Variants in C9orf85 observed in about 807,000 individuals in gnomAD.
C9orf85 encodes the protein uncharacterized protein C9orf85.
C9orf85 carries 16 observed loss-of-function variants against 14.9 expected under a neutral mutation model. The ratio of observed to expected loss-of-function variants is 1.08; its 90% CI spans 0.73 to 1.63. C9orf85 has a LOEUF of 1.63. Ranked by LOEUF, C9orf85 falls within the 40% of genes most tolerant of loss-of-function variation. C9orf85 has a pLI of 0.00. For missense variants in C9orf85, 172 were observed against 186.1 expected (o/e 0.92, Z 0.44); for synonymous variants, 45 against 56.8 (o/e 0.79, Z 0.93).
chr9:71,957,038 A>G (rs1054057187), intron 2 of C9orf85, among the ~76,000 whole-genome samples: 2 of 151,544 alleles, frequency 1.3e-5, no homozygotes, highest in Non-Finnish European at 2.9e-5. Flanking sequence ...GCCAGGCTGA[A>G]CTCGAACTCC....
intron 2 of C9orf85, among the ~76,000 whole-genome samples, chr9:71,950,350 T>A (rs1822213236): frequency 7.4e-6 from 1 of 135,162 alleles, no homozygotes; most frequent in Non-Finnish European, 1.6e-5. Context: ...TGTATATGAA[T>A]TTTACTGGAT....
At chr9:71,961,708 GTC>G (rs1215727930) in intron 2 of C9orf85, among the ~76,000 whole-genome samples, 1 of 152,060 alleles carries the variant, frequency 6.6e-6, no homozygotes, top group Non-Finnish European at 1.5e-5. Flanking sequence ...CACAACCATG[GTC>G]TTACTGTCTT....
intron 1 of C9orf85, among the ~76,000 whole-genome samples, chr9:71,916,028 A>T (rs1451378151): frequency 2.0e-5 from 3 of 152,234 alleles, no homozygotes; most frequent in Non-Finnish European, 4.4e-5. Context: ...AGCAAAATAT[A>T]CAGTCACAGT....
intron 2 of C9orf85, among the ~76,000 whole-genome samples, chr9:71,963,333 C>T (rs575988990): frequency 6.6e-6 from 1 of 152,166 alleles, no homozygotes; most frequent in South Asian, 2.1e-4. Flanking sequence ...TCCAAGATGG[C>T]GGTGTGCTGC....
chr9:71,920,444 T>G (rs1156630468), intron 1 of C9orf85, among the ~76,000 whole-genome samples: 1 of 152,212 alleles, frequency 6.6e-6, no homozygotes, highest in Non-Finnish European at 1.5e-5. Context: ...AATTCATTAA[T>G]CTAAAAGAAA....
At chr9:71,957,781 A>G (rs914454947) in intron 2 of C9orf85, among the ~76,000 whole-genome samples, 7 of 151,730 alleles carry the variant, frequency 4.6e-5, no homozygotes, top group Non-Finnish European at 7.4e-5. Flanking sequence ...AGCTGAGAAA[A>G]CCCCTGCAGT....
intron 1 of C9orf85, among the ~76,000 whole-genome samples, chr9:71,912,777 G>A (rs553181548): frequency 6.6e-6 from 1 of 152,224 alleles, no homozygotes; most frequent in South Asian, 2.1e-4. Context: ...CCAGCTACTC[G>A]GGAGGCTGAG....
downstream of C9orf85, among the ~76,000 whole-genome samples, chr9:71,974,957 A>C: frequency 1.3e-5 from 2 of 152,220 alleles, 1 homozygote; most frequent in Non-Finnish European, 2.9e-5. Flanking sequence ...TTAGGGAATA[A>C]TTTAAGTGGA....
chr9:71,947,237 C>T (rs901822464), intron 2 of C9orf85, 125 bp downstream of exon 2: 1 of 633,750 alleles, frequency 1.6e-6, no homozygotes, highest in Non-Finnish European at 2.6e-6. Context: ...ATTCCATTCT[C>T]CCCTGTAGAA....
At chr9:71,941,273 C>A (rs1821921713) in intron 1 of C9orf85, among the ~76,000 whole-genome samples, 1 of 152,120 alleles carries the variant, frequency 6.6e-6, no homozygotes. Context: ...TACTGTGGTA[C>A]AGTACATTAA....
At chr9:71,931,796 T>C (rs1222040015) in intron 1 of C9orf85, among the ~76,000 whole-genome samples, 1 of 152,212 alleles carries the variant, frequency 6.6e-6, no homozygotes, top group East Asian at 1.9e-4. Context: ...CACTAACCAG[T>C]GTTGTTTAAA....
At chr9:71,912,194 A>AC in intron 1 of C9orf85, among the ~76,000 whole-genome samples, 1 of 152,272 alleles carries the variant, frequency 6.6e-6, no homozygotes, top group South Asian at 2.1e-4. Context: ...CAAATTTTAC[A>AC]CCAAGTTTAT....
chr9:71,955,803 C>G (rs1243156236), intron 2 of C9orf85, among the ~76,000 whole-genome samples: 2 of 152,184 alleles, frequency 1.3e-5, no homozygotes, highest in African/African-American at 4.8e-5. Context: ...ATACCACTCA[C>G]TAGGAGGTAC....
At chr9:71,975,328 C>G (rs1227736024), downstream of C9orf85, among the ~76,000 whole-genome samples, 5 of 151,632 alleles carry the variant, frequency 3.3e-5, no homozygotes, top group African/African-American at 1.2e-4. Flanking sequence ...GCAATCCCAG[C>G]TACTCCGGAG....
chr9:71,913,115 T>C (rs1412567497), intron 1 of C9orf85, among the ~76,000 whole-genome samples: 4 of 152,158 alleles, frequency 2.6e-5, no homozygotes, highest in African/African-American at 4.8e-5. Flanking sequence ...AATGCAAATT[T>C]GTCAGGATTG....
At chr9:71,985,234 A>G (rs1430079932), downstream of C9orf85, 1 of 152,268 alleles carries the variant, frequency 6.6e-6, no homozygotes, top group East Asian at 1.9e-4. Context: ...AACATTCAGC[A>G]GTATCCAAGC....
intron 1 of C9orf85, among the ~76,000 whole-genome samples, chr9:71,933,061 T>G (rs1828107306): frequency 6.6e-6 from 1 of 152,128 alleles, no homozygotes; most frequent in South Asian, 2.1e-4. Flanking sequence ...CAATGGAAAT[T>G]GTCAAGTATG....
intron 2 of C9orf85, among the ~76,000 whole-genome samples, chr9:71,951,734 A>G (rs964621377): frequency 1.3e-5 from 2 of 152,170 alleles, no homozygotes; most frequent in Non-Finnish European, 2.9e-5. Context: ...TACTTTTGAA[A>G]AAGAACCCCA....
Position 71,911,763 on chromosome 9 carries a change from G to A in C9orf85, c.29G>A (p.Arg10His), listed in dbSNP as rs1589239393. 6.2e-7 allele frequency: 1 copy of A among 1,614,128 alleles called. No individual in the cohort carries two copies. The highest frequency in any genetic ancestry group is 8.5e-7 in the Non-Finnish European group (1 of 1,180,014). Residue 10 changes from arginine (R) to histidine (H), a missense_variant, in exon 1 of 4, where the codon CGT becomes CAT. Transcript: ENST00000334731. ...AGCTCCCAGAAAGGCAACGTGGCTC[G>A]TTCCAGACCTCAGAAGCACCAGAAT... MSSQKGNVA[R>H]SRPQKHQNTF...
Sources: allele counts gnomAD v4.1 joint callset (sites outside exome capture counted in the v4.1 genomes callset), GRCh38; gene constraint gnomAD v4.1.1; transcripts MANE v1.5; gene names NCBI Gene and HGNC (gene_info 2026-07-23, HGNC 2026-07-21).